The following ROCK2 variants were observed in gnomAD, a reference collection of about 807,000 sequenced individuals.
ROCK2 encodes the protein Rho associated coiled-coil containing protein kinase 2.
In ROCK2, 61 loss-of-function variants were observed where a neutral mutation model predicts 195.1. That is an observed-to-expected ratio of 0.31 (90% CI 0.25 to 0.39). The LOEUF (loss-of-function observed/expected upper bound fraction) is 0.39. ROCK2 is among the 10% of genes least tolerant of loss of function. ROCK2 has a pLI of 1.00. For synonymous variants in ROCK2, 504 were observed against 545.5 expected, an observed-to-expected ratio of 0.92 and a Z score of 1.06; for missense variants, 1,109 against 1,637.4, an observed-to-expected ratio of 0.68 and a Z score of 5.57.
chr2:11,331,353 A>C (rs1191166872), intron 1 of ROCK2, among the ~76,000 whole-genome samples: 1 of 152,212 alleles, frequency 6.6e-6, no homozygotes, highest in African/African-American at 2.4e-5. Context: ...AATTAAAATG[A>C]ATACTCAAAA....
At chr2:11,306,587 T>C (rs1433349643) in intron 1 of ROCK2, among the ~76,000 whole-genome samples, 1 of 152,178 alleles carries the variant, frequency 6.6e-6, no homozygotes, top group African/African-American at 2.4e-5. Context: ...GTACATAAAA[T>C]CCTTTAAACA....
At chr2:11,277,158 GT>G (rs1171329877) in intron 3 of ROCK2, among the ~76,000 whole-genome samples, 1 of 152,110 alleles carries the variant, frequency 6.6e-6, no homozygotes, top group Non-Finnish European at 1.5e-5. Flanking sequence ...TATTAACGAA[GT>G]CCAGAGTTCA....
intron 4 of ROCK2, among the ~76,000 whole-genome samples, chr2:11,237,124 C>T (rs897074015): frequency 1.3e-5 from 2 of 152,152 alleles, no homozygotes; most frequent in Non-Finnish European, 2.9e-5. Flanking sequence ...TGCACTCCAG[C>T]CTGGGCAACA....
chr2:11,295,987 AGAGGAGAGAGAGAGAGAG>A (rs1558369591), intron 1 of ROCK2, among the ~76,000 whole-genome samples: 1 of 37,772 alleles, frequency 2.6e-5, no homozygotes, highest in Non-Finnish European at 6.4e-5. Flanking sequence ...AGAGAGAGAG[AGAGGAGAGAGAGAGAGAG>A]GAGAGAGAGA....
chr2:11,323,392 C>T (rs772149553), intron 1 of ROCK2, among the ~76,000 whole-genome samples: 2 of 152,084 alleles, frequency 1.3e-5, no homozygotes, highest in Non-Finnish European at 2.9e-5. Flanking sequence ...CTCAGGAAGA[C>T]ATTAAATCTA....
At chr2:11,227,510 A>C in intron 5 of ROCK2, 112 bp from the exon 6 acceptor site, 1 of 911,918 alleles carries the variant, frequency 1.1e-6, no homozygotes, top group Non-Finnish European at 1.6e-6. Context: ...TTGCTAACCA[A>C]CAGAACTTCA....
At chr2:11,255,170 T>C (rs1172976346) in intron 3 of ROCK2, among the ~76,000 whole-genome samples, 2 of 145,350 alleles carry the variant, frequency 1.4e-5, no homozygotes, top group Admixed American at 6.9e-5. Flanking sequence ...TGAGCGGAGA[T>C]TGCGCCACTG....
chr2:11,272,494 T>C (rs1023349016), intron 3 of ROCK2, among the ~76,000 whole-genome samples: 1 of 152,154 alleles, frequency 6.6e-6, no homozygotes, highest in African/African-American at 2.4e-5. Flanking sequence ...AATTGATGCA[T>C]TTAAAGTGAT....
In ROCK2 at chr2:11,197,442, C is replaced by T. The variant is rs1028938711; in HGVS notation, c.3279+84G>A. On this transcript the variant is annotated intron_variant, in intron 26 of 32. Transcript: ENST00000315872. The surrounding 1 kb of genome is among the most constrained non-coding windows in gnomAD (Gnocchi z 4.9). Reference sequence around the variant, plus strand: ...ATAATAATTATTAAATAGAAATGGTCTATAACCAGTAAAACACAGACATGA... The same window carrying T: ...ATAATAATTATTAAATAGAAATGGTTTATAACCAGTAAAACACAGACATGA... 99 of 1,534,644 alleles carry T rather than the reference C, an allele frequency of 6.5e-5. No individual in the cohort carries two copies. The highest frequency in any genetic ancestry group is 8.4e-5 in the Non-Finnish European group (95 of 1,125,600).
Position 11,344,465 on chromosome 2 carries a change from G to A in ROCK2, c.-329C>T. ...AGTCCTCGGGCGGGAGCAGGGAAGTGGCGCCGCCACCGCCGCGGCCCGGAC... is the reference window on the plus strand; with the variant it reads ...AGTCCTCGGGCGGGAGCAGGGAAGTAGCGCCGCCACCGCCGCGGCCCGGAC... On this transcript the variant is annotated 5_prime_UTR_variant, in exon 1 of 33. Coordinates refer to ENST00000315872, the MANE Select transcript of ROCK2 (RefSeq NM_004850.5). This position sits in a 1 kb window ranked among gnomAD's most constrained non-coding sequence, Gnocchi z 5.4. 2 of 1,009,046 alleles carry A rather than the reference G, an allele frequency of 2.0e-6. No individual in the cohort carries two copies. The highest frequency in any genetic ancestry group is 2.4e-6 in the Non-Finnish European group (2 of 845,980). 62.5% of individuals were successfully genotyped at this position (1,009,046 alleles called of 1,614,324 possible).
upstream of ROCK2, among the ~76,000 whole-genome samples, chr2:11,345,347 G>T (rs1056199359): frequency 6.6e-6 from 1 of 152,160 alleles, no homozygotes; most frequent in Non-Finnish European, 1.5e-5. Flanking sequence ...TCTCCTTTTG[G>T]GGGGCGGAAG....
intron 3 of ROCK2, among the ~76,000 whole-genome samples, chr2:11,254,526 T>C (rs1665950953): frequency 6.6e-6 from 1 of 152,066 alleles, no homozygotes; most frequent in Admixed American, 6.5e-5. Context: ...AGAGACCAAC[T>C]GCTTTGGGGT....
In ROCK2 at chr2:11,201,507, T is replaced by C; in HGVS notation, c.2620-94A>G. ...TCAGACAAAAAGGAGAATGAACACA[T>C]ACAAATATTTTCTTACTGCTAAGTC... On this transcript the variant is annotated intron_variant, in intron 21 of 32. Coordinates refer to ENST00000315872, the MANE Select transcript of ROCK2 (RefSeq NM_004850.5). This position sits in a 1 kb window ranked among gnomAD's most constrained non-coding sequence, Gnocchi z 4.6. The C allele has an allele frequency of 2.8e-6, 2 of 721,622 alleles. No homozygotes were observed. Among genetic ancestry groups the C allele is most frequent in the Non-Finnish European group, 2.4e-6 (1 of 417,298 alleles). 44.7% of individuals were successfully genotyped at this position (721,622 alleles called of 1,614,324 possible).
At chr2:11,234,690 G>C (rs1016980121) in intron 5 of ROCK2, 1 of 152,062 alleles carries the variant, frequency 6.6e-6, no homozygotes, top group East Asian at 1.9e-4. Context: ...CACAAATTCT[G>C]ACTATGTGAG....
chr2:11,249,022 A>T (rs564035477), intron 4 of ROCK2, among the ~76,000 whole-genome samples: 103 of 152,026 alleles, frequency 6.8e-4, no homozygotes, highest in African/African-American at 2.3e-3. Flanking sequence ...CAGCCTCCCA[A>T]GTAGCTGGGA....
chr2:11,326,888 G>A (rs1233406630), intron 1 of ROCK2, among the ~76,000 whole-genome samples: 1 of 152,198 alleles, frequency 6.6e-6, no homozygotes, highest in African/African-American at 2.4e-5. Flanking sequence ...CTTTTCATGG[G>A]TTCTGTTTTC....
intron 1 of ROCK2, among the ~76,000 whole-genome samples, chr2:11,343,085 A>G (rs910241769): frequency 6.6e-6 from 1 of 152,198 alleles, no homozygotes; most frequent in African/African-American, 2.4e-5. Context: ...AGTCTTCCAG[A>G]GTCAATTTAA....
chr2:11,189,120 C>T (rs931270645), intron 32 of ROCK2, among the ~76,000 whole-genome samples: 2 of 151,810 alleles, frequency 1.3e-5, no homozygotes, highest in African/African-American at 2.4e-5. Context: ...GGAAAAGTTA[C>T]CAAAAATGGT....
chr2:11,309,919 T>G (rs1018155395), intron 1 of ROCK2, among the ~76,000 whole-genome samples: 23 of 151,798 alleles, frequency 1.5e-4, no homozygotes, highest in Non-Finnish European at 2.8e-4. Flanking sequence ...AGGCAAAAGT[T>G]GGAGTGAGCC....
Sources: gnomAD v4.1 joint callset for allele counts (sites outside exome capture counted in the v4.1 genomes callset) on GRCh38, gnomAD v4.1.1 for gene constraint, Gnocchi (gnomAD v3.1) non-coding constraint, MANE v1.5 for transcripts, NCBI Gene and HGNC (gene_info 2026-07-23, HGNC 2026-07-21) for gene names.